Variants in TAFA1 observed in about 807,000 individuals in gnomAD.
TAFA1 encodes TAFA chemokine like family member 1.
Under a neutral mutation model 18.5 loss-of-function variants are expected in TAFA1, and 4 were observed. That is an observed-to-expected ratio of 0.22 (90% confidence interval 0.11 to 0.49). The LOEUF (loss-of-function observed/expected upper bound fraction) is 0.49. TAFA1 is among the 20% of genes least tolerant of loss of function. The pLI, the probability that TAFA1 is intolerant of heterozygous loss-of-function variation, is 0.98. For missense variants in TAFA1, 147 were observed against 169.0 expected, an observed-to-expected ratio of 0.87 and a Z score of 0.72; for synonymous variants, 56 against 55.2, an observed-to-expected ratio of 1.01 and a Z score of -0.06.
chr3:68,333,372 A>C (rs2068914263), intron 2 of TAFA1, among the ~76,000 whole-genome samples: 1 of 152,212 alleles, frequency 6.6e-6, no homozygotes, highest in African/African-American at 2.4e-5. Flanking sequence ...ATCTTAAGCA[A>C]ACTAACACAG....
chr3:68,261,085 C>A (rs1233647397), intron 2 of TAFA1, among the ~76,000 whole-genome samples: 7 of 151,234 alleles, frequency 4.6e-5, no homozygotes, highest in Admixed American at 2.0e-4. Flanking sequence ...AAAAAAAAAA[C>A]CATCAAAAAG....
chr3:68,435,324 G>A (rs1189731606), intron 3 of TAFA1, among the ~76,000 whole-genome samples: 2 of 152,130 alleles, frequency 1.3e-5, no homozygotes, highest in African/African-American at 4.8e-5. Flanking sequence ...GGTCTGGAAA[G>A]AAGTGAGACT....
chr3:68,518,589 A>T (rs1393762775), intron 3 of TAFA1, among the ~76,000 whole-genome samples: 1 of 152,228 alleles, frequency 6.6e-6, no homozygotes, highest in African/African-American at 2.4e-5. Flanking sequence ...CTTTTATAAT[A>T]ACAATAACAA....
intron 2 of TAFA1, among the ~76,000 whole-genome samples, chr3:68,376,625 AT>A (rs2069823605): frequency 6.6e-6 from 1 of 152,172 alleles, no homozygotes; most frequent in Admixed American, 6.6e-5. Context: ...CATGGGGTAT[AT>A]GTACCACATC....
At chr3:68,458,212 C>G (rs1013340138) in intron 3 of TAFA1, among the ~76,000 whole-genome samples, 1 of 152,088 alleles carries the variant, frequency 6.6e-6, no homozygotes, top group Non-Finnish European at 1.5e-5. Flanking sequence ...TATATTTCCC[C>G]TTCTCCAGCC....
At chr3:68,047,444 T>C (rs2064403443) in intron 2 of TAFA1, among the ~76,000 whole-genome samples, 1 of 152,136 alleles carries the variant, frequency 6.6e-6, no homozygotes, top group African/African-American at 2.4e-5. Flanking sequence ...GAAAGTTTAT[T>C]TTATATGGGT....
chr3:68,322,167 C>G (rs2068705689), intron 2 of TAFA1, among the ~76,000 whole-genome samples: 2 of 152,184 alleles, frequency 1.3e-5, no homozygotes, highest in Non-Finnish European at 2.9e-5. Flanking sequence ...TATACAAGTA[C>G]AAATTTTCTC....
intron 3 of TAFA1, among the ~76,000 whole-genome samples, chr3:68,516,318 T>C (rs2072919627): frequency 6.6e-6 from 1 of 152,202 alleles, no homozygotes; most frequent in African/African-American, 2.4e-5. Flanking sequence ...ATTCAGCGAT[T>C]AACTGTGTCT....
intron 2 of TAFA1, among the ~76,000 whole-genome samples, chr3:68,328,359 C>T (rs1184130354): frequency 6.6e-6 from 1 of 152,122 alleles, no homozygotes; most frequent in Non-Finnish European, 1.5e-5. Context: ...CAATTGCCGT[C>T]CCAGTTTCAG....
chr3:68,172,948 G>A (rs2106963378), intron 2 of TAFA1, among the ~76,000 whole-genome samples: 1 of 152,222 alleles, frequency 6.6e-6, no homozygotes, highest in Middle Eastern at 3.4e-3. Flanking sequence ...TTACATATTA[G>A]AGATGGTTGC....
At chr3:68,377,126 A>G (rs777590672) in intron 2 of TAFA1, among the ~76,000 whole-genome samples, 14 of 152,228 alleles carry the variant, frequency 9.2e-5, no homozygotes, top group Non-Finnish European at 1.5e-4. Context: ...GTGTGAAAAC[A>G]GACTAATACA....
At chr3:68,111,226 A>C (rs1163216399) in intron 2 of TAFA1, among the ~76,000 whole-genome samples, 1 of 152,206 alleles carries the variant, frequency 6.6e-6, no homozygotes. Flanking sequence ...GGGTAGGTGC[A>C]ATCTACTAGT....
At chr3:68,019,350 A>G (rs1704637846) in intron 2 of TAFA1, among the ~76,000 whole-genome samples, 1 of 152,206 alleles carries the variant, frequency 6.6e-6, no homozygotes, top group South Asian at 2.1e-4. Context: ...TTCCCAATAA[A>G]TTCTTTTAGA....
At chr3:68,523,557 A>G (rs2106756345) in intron 3 of TAFA1, among the ~76,000 whole-genome samples, 1 of 152,290 alleles carries the variant, frequency 6.6e-6, no homozygotes, top group South Asian at 2.1e-4. Flanking sequence ...TGATTCTTAC[A>G]TCAGTGCTTT....
chr3:68,511,444 T>G (rs1388320137), intron 3 of TAFA1, among the ~76,000 whole-genome samples: 1 of 152,138 alleles, frequency 6.6e-6, no homozygotes, highest in Non-Finnish European at 1.5e-5. Flanking sequence ...TGGCTAGAAT[T>G]ACACTGGAGA....
chr3:68,366,761 G>T (rs749783740), intron 2 of TAFA1, among the ~76,000 whole-genome samples: 62 of 152,128 alleles, frequency 4.1e-4, no homozygotes, highest in Non-Finnish European at 1.3e-4. Flanking sequence ...GGTTTTGTGG[G>T]TTTTAAATGA....
intron 3 of TAFA1, among the ~76,000 whole-genome samples, chr3:68,442,582 C>A (rs1341104428): frequency 6.6e-6 from 1 of 152,006 alleles, no homozygotes; most frequent in East Asian, 1.9e-4. Context: ...GAGTTTATGA[C>A]ACGTAGTGGC....
intron 2 of TAFA1, among the ~76,000 whole-genome samples, chr3:68,094,170 T>C (rs573838977): frequency 1.3e-5 from 2 of 152,200 alleles, no homozygotes; most frequent in South Asian, 4.1e-4. Context: ...ATAAAAAATA[T>C]ACCAGTTTAA....
At chr3:68,017,610 GT>G (rs1325183629) in intron 2 of TAFA1, among the ~76,000 whole-genome samples, 3 of 152,180 alleles carry the variant, frequency 2.0e-5, no homozygotes, top group African/African-American at 7.2e-5. Flanking sequence ...GTGCCATGAA[GT>G]TTTTTTCATT....
Sources: allele counts gnomAD v4.1 joint callset (sites outside exome capture counted in the v4.1 genomes callset), GRCh38; gene constraint gnomAD v4.1.1; transcripts MANE v1.5; gene names NCBI Gene and HGNC (gene_info 2026-07-23, HGNC 2026-07-21).